The following COBL variants were observed in gnomAD, a reference collection of about 807,000 sequenced individuals.
COBL encodes protein cordon-bleu.
In COBL, 51 loss-of-function variants were observed where a neutral mutation model predicts 98.8. The observed-to-expected ratio is 0.52, with a 90% confidence interval of 0.41 to 0.65. COBL has a LOEUF of 0.65. Among genes scored for constraint, COBL ranks in the 30% least tolerant of loss-of-function variants. The pLI is 0.00. For synonymous variants in COBL, 634 were observed against 651.7 expected, an observed-to-expected ratio of 0.97 and a Z score of 0.41; for missense variants, 1,617 against 1,617.5, an observed-to-expected ratio of 1.00 and a Z score of 0.01.
chr7:51,067,877 G>A (rs77444215), intron 7 of COBL, among the ~76,000 whole-genome samples: 2,877 of 152,306 alleles, frequency 0.019, 40 homozygotes, highest in Non-Finnish European at 0.029. Context: ...TGAAATGTGC[G>A]GGTAAAGTCA....
chr7:51,247,562 G>C (rs950278839), intron 1 of COBL, among the ~76,000 whole-genome samples: 2 of 152,128 alleles, frequency 1.3e-5, no homozygotes, highest in Admixed American at 1.3e-4. Context: ...GACAGGTAGG[G>C]ACAAGGTGAC....
At chr7:51,183,614 AG>A (rs1422800673) in intron 5 of COBL, among the ~76,000 whole-genome samples, 1 of 152,244 alleles carries the variant, frequency 6.6e-6, no homozygotes, top group Non-Finnish European at 1.5e-5. Flanking sequence ...TCATATCAGG[AG>A]GACCAAAGAA....
At chr7:51,064,965 A>G (rs1791750517) in intron 7 of COBL, 2 of 597,234 alleles carry the variant, frequency 3.3e-6, no homozygotes, top group Non-Finnish European at 5.9e-6. Flanking sequence ...TTTCCTCTCT[A>G]TTAGCTGGGA....
chr7:51,041,263 G>A (rs1011154349), intron 8 of COBL, among the ~76,000 whole-genome samples: 7 of 152,062 alleles, frequency 4.6e-5, no homozygotes, highest in African/African-American at 1.7e-4. Context: ...TTAGGGATGT[G>A]TATAACAACA....
At chr7:51,079,571 T>C (rs1583708366) in intron 7 of COBL, among the ~76,000 whole-genome samples, 1 of 152,182 alleles carries the variant, frequency 6.6e-6, no homozygotes, top group South Asian at 2.1e-4. Flanking sequence ...TGTAATATGG[T>C]ATAGTGAGTA....
At chr7:51,230,616 C>T (rs574650418) in intron 1 of COBL, among the ~76,000 whole-genome samples, 1 of 152,342 alleles carries the variant, frequency 6.6e-6, no homozygotes, top group South Asian at 2.1e-4. Flanking sequence ...CCTGCCTCCC[C>T]TTCTTGAGTC....
At chr7:51,030,732 A>G in intron 9 of COBL, 80 bp downstream of exon 9, 1 of 899,600 alleles carries the variant, frequency 1.1e-6, no homozygotes, top group South Asian at 1.5e-5. Context: ...AGATACATCA[A>G]AGTATGCTCA....
Position 51,065,566 on chromosome 7 carries a change from C to G in COBL, c.1096+19600G>C, listed in dbSNP as rs374655789. Reference sequence around the variant, plus strand: ...TACAGCCAGCTTTGGGCAAAATCAGCACAGCTTGCCAGAAAGGTGGCAGGG... The same window carrying G: ...TACAGCCAGCTTTGGGCAAAATCAGGACAGCTTGCCAGAAAGGTGGCAGGG... On this transcript the variant is annotated intron_variant, in intron 7 of 12. Coordinates refer to ENST00000265136, the MANE Select transcript of COBL (RefSeq NM_015198.5). 5.0e-6 allele frequency: 3 copies of G among 605,516 alleles called. No homozygotes were observed. In the South Asian group the frequency reaches 6.0e-5, roughly 12 times the overall value. 37.5% of individuals were successfully genotyped at this position (605,516 alleles called of 1,614,324 possible).
chr7:51,240,074 T>A (rs1210732659), intron 1 of COBL, among the ~76,000 whole-genome samples: 1 of 152,178 alleles, frequency 6.6e-6, no homozygotes, highest in Non-Finnish European at 1.5e-5. Flanking sequence ...TTCCTGTTAA[T>A]TTTTTTAAAA....
intron 1 of COBL, among the ~76,000 whole-genome samples, chr7:51,225,121 A>G (rs976314294): frequency 1.3e-5 from 2 of 152,204 alleles, no homozygotes; most frequent in Non-Finnish European, 2.9e-5. Context: ...CGCAGGCACC[A>G]TCCTGCAGCT....
chr7:51,031,706 A>G (rs1172095825), intron 8 of COBL: 4 of 152,210 alleles, frequency 2.6e-5, no homozygotes, highest in Admixed American at 6.5e-5. Context: ...TACAGACTCT[A>G]TGTTTACTTT....
chr7:51,208,151 G>T (rs909108404), intron 2 of COBL, among the ~76,000 whole-genome samples: 2 of 149,844 alleles, frequency 1.3e-5, no homozygotes, highest in African/African-American at 4.9e-5. Context: ...GAGCGTCTCT[G>T]CCTGGCCGCC....
chr7:51,180,911 A>T (rs1405232472), intron 5 of COBL, among the ~76,000 whole-genome samples: 1 of 152,234 alleles, frequency 6.6e-6, no homozygotes, highest in Non-Finnish European at 1.5e-5. Context: ...TACTGTTCAG[A>T]TTATTAATAC....
chr7:51,268,733 C>T (rs1403650758), intron 1 of COBL, among the ~76,000 whole-genome samples: 1 of 151,982 alleles, frequency 6.6e-6, no homozygotes, highest in Non-Finnish European at 1.5e-5. Flanking sequence ...AGTTCGAGAC[C>T]AGCCTGGCCA....
At chr7:51,131,132 A>G (rs996722631) in intron 6 of COBL, among the ~76,000 whole-genome samples, 4 of 152,226 alleles carry the variant, frequency 2.6e-5, no homozygotes, top group African/African-American at 7.2e-5. Flanking sequence ...CAATGCAATA[A>G]TCTTGAGATC....
At chr7:51,048,411 A>ATTGCCATTTACAATGGCAAAAATATT (rs912196566) in intron 7 of COBL, among the ~76,000 whole-genome samples, 15 of 152,178 alleles carry the variant, frequency 9.9e-5, no homozygotes, top group Admixed American at 9.8e-4. Flanking sequence ...TTAATTGTAA[A>ATTGCCATTTACAATGGCAAAAATATT]TTGCCATTTA....
chr7:51,242,229 G>T (rs1254536698), intron 1 of COBL, among the ~76,000 whole-genome samples: 2 of 152,142 alleles, frequency 1.3e-5, no homozygotes, highest in Non-Finnish European at 2.9e-5. Flanking sequence ...GACTGACTGT[G>T]GGCCACTACT....
At chr7:51,221,488 T>A (rs1435165555) in intron 1 of COBL, among the ~76,000 whole-genome samples, 1 of 152,258 alleles carries the variant, frequency 6.6e-6, no homozygotes, top group Admixed American at 6.5e-5. Flanking sequence ...CAATAAATTA[T>A]GTTATACCAG....
At chr7:51,166,391 A>G (rs1369462837) in intron 5 of COBL, among the ~76,000 whole-genome samples, 1 of 152,096 alleles carries the variant, frequency 6.6e-6, no homozygotes, top group Non-Finnish European at 1.5e-5. Context: ...ACAGTGTACC[A>G]AGATTGAATC....
Sources: allele counts gnomAD v4.1 joint callset (sites outside exome capture counted in the v4.1 genomes callset), GRCh38; gene constraint gnomAD v4.1.1; transcripts MANE v1.5; gene names NCBI Gene and HGNC (gene_info 2026-07-23, HGNC 2026-07-21).